The following RGS6 variants were observed in gnomAD, a reference collection of about 807,000 sequenced individuals.
The protein encoded by RGS6 is regulator of G-protein signaling 6.
In RGS6, 30 loss-of-function variants were observed where a neutral mutation model predicts 78.5. The ratio of observed to expected loss-of-function variants is 0.38; its 90% confidence interval spans 0.29 to 0.52. The LOEUF is 0.52. RGS6 is among the 20% of genes least tolerant of loss of function. The pLI is 0.85. For missense variants in RGS6, 495 were observed against 609.7 expected, an observed-to-expected ratio of 0.81 and a Z score of 1.98; for synonymous variants, 206 against 206.0, an observed-to-expected ratio of 1.00 and a Z score of 0.00.
intron 12 of RGS6, among the ~76,000 whole-genome samples, chr14:72,480,472 C>T (rs143280087): frequency 2.6e-5 from 4 of 152,276 alleles, no homozygotes; most frequent in South Asian, 2.1e-4. Context: ...GGCTACTCCT[C>T]GGTGCCCAGC....
downstream of RGS6, among the ~76,000 whole-genome samples, chr14:72,569,700 G>C (rs1408950028): frequency 6.7e-6 from 1 of 149,388 alleles, no homozygotes; most frequent in East Asian, 2.0e-4. Flanking sequence ...GGAAGGCAGG[G>C]AGGGAGGGAG....
At chr14:72,214,324 GTGCCACCA>G (rs1458740014) in intron 2 of RGS6, among the ~76,000 whole-genome samples, 1 of 151,866 alleles carries the variant, frequency 6.6e-6, no homozygotes, top group African/African-American at 2.4e-5. Flanking sequence ...CCAAAGGCAC[GTGCCACCA>G]TGCCCAGCTG....
At chr14:71,932,238 G>A (rs2087929917), upstream of RGS6, among the ~76,000 whole-genome samples, 1 of 152,010 alleles carries the variant, frequency 6.6e-6, no homozygotes, top group South Asian at 2.1e-4. Context: ...GAACAGGTGA[G>A]CCGTGCGGCG....
the RGS6 span, among the ~76,000 whole-genome samples, chr14:71,881,685 T>C: frequency 6.6e-6 from 1 of 152,216 alleles, no homozygotes; most frequent in Non-Finnish European, 1.5e-5. Context: ...AAAACTCTTT[T>C]TCTTTATAAA....
chr14:72,002,943 T>C (rs1249379943), intron 2 of RGS6, among the ~76,000 whole-genome samples: 2 of 152,228 alleles, frequency 1.3e-5, no homozygotes, highest in African/African-American at 4.8e-5. Context: ...ATCTTCGCTC[T>C]CAGTAGTCTT....
intron 2 of RGS6, among the ~76,000 whole-genome samples, chr14:71,979,832 C>T (rs1361233401): frequency 3.3e-5 from 5 of 151,714 alleles, no homozygotes; most frequent in South Asian, 4.2e-4. Context: ...CTTTCTATCT[C>T]ATTGATCTGT....
At chr14:72,385,718 G>A (rs968404562) in intron 3 of RGS6, among the ~76,000 whole-genome samples, 1 of 152,160 alleles carries the variant, frequency 6.6e-6, no homozygotes, top group East Asian at 1.9e-4. Flanking sequence ...CCCCATGGGG[G>A]ACACTGTCTC....
intron 2 of RGS6, among the ~76,000 whole-genome samples, chr14:72,099,741 C>T (rs1378993991): frequency 1.3e-5 from 2 of 152,050 alleles, no homozygotes; most frequent in Non-Finnish European, 2.9e-5. Context: ...ATAGCTTTGG[C>T]GGGGATTATT....
At chr14:72,057,255 A>G (rs1210370422) in intron 2 of RGS6, among the ~76,000 whole-genome samples, 3 of 138,680 alleles carry the variant, frequency 2.2e-5, no homozygotes, top group African/African-American at 5.4e-5. Context: ...CAGAGGTTTC[A>G]GTGAGCTAAG....
intron 1 of RGS6, among the ~76,000 whole-genome samples, chr14:71,947,481 A>G (rs188539212): frequency 2.0e-5 from 3 of 152,096 alleles, no homozygotes; most frequent in African/African-American, 7.2e-5. Flanking sequence ...TAATCCCAAG[A>G]GTCTTTTTTG....
At chr14:72,187,833 G>A (rs1047952708) in intron 2 of RGS6, among the ~76,000 whole-genome samples, 5 of 151,942 alleles carry the variant, frequency 3.3e-5, no homozygotes, top group Non-Finnish European at 7.4e-5. Flanking sequence ...TCTTCGTAAC[G>A]GCAAAATCAA....
intron 2 of RGS6, among the ~76,000 whole-genome samples, chr14:72,152,221 TGAGA>T (rs1200791259): frequency 0.083 from 12,191 of 146,398 alleles, 513 homozygotes; most frequent in African/African-American, 0.096. Context: ...GGCAGCTGCA[TGAGA>T]GAGAGAGAGA....
chr14:72,606,263 T>C, the RGS6 span, among the ~76,000 whole-genome samples: 1 of 152,094 alleles, frequency 6.6e-6, no homozygotes. Flanking sequence ...TTTTGGTGCA[T>C]GTATACCTCG....
chr14:71,890,891 T>C, the RGS6 span, among the ~76,000 whole-genome samples: 1 of 152,232 alleles, frequency 6.6e-6, no homozygotes, highest in African/African-American at 2.4e-5. Context: ...CATTTTCTTT[T>C]TACATCTCAA....
At chr14:72,180,740 A>G (rs1053989161) in intron 2 of RGS6, among the ~76,000 whole-genome samples, 8 of 152,184 alleles carry the variant, frequency 5.3e-5, no homozygotes, top group African/African-American at 1.9e-4. Flanking sequence ...AGGTGATTGA[A>G]TCGATGCTGT....
chr14:71,999,477 C>A (rs1299471777), intron 2 of RGS6, among the ~76,000 whole-genome samples: 2 of 152,182 alleles, frequency 1.3e-5, no homozygotes, highest in African/African-American at 4.8e-5. Flanking sequence ...AGGTATAACT[C>A]TAACAGGTGG....
chr14:72,439,481 G>A (rs947701919), intron 3 of RGS6, among the ~76,000 whole-genome samples: 4 of 152,254 alleles, frequency 2.6e-5, no homozygotes, highest in Non-Finnish European at 5.9e-5. Context: ...AAGTATCAGT[G>A]TAGATTGCAG....
At chr14:72,162,380 C>T (rs534121843) in intron 2 of RGS6, among the ~76,000 whole-genome samples, 8 of 152,226 alleles carry the variant, frequency 5.3e-5, no homozygotes, top group South Asian at 2.1e-4. Flanking sequence ...AAAGATAAGG[C>T]TAAACCACTC....
intron 3 of RGS6, among the ~76,000 whole-genome samples, chr14:72,445,034 T>C (rs1388436876): frequency 6.6e-6 from 1 of 152,226 alleles, no homozygotes; most frequent in African/African-American, 2.4e-5. Context: ...TGAGTGTCTC[T>C]CAGCCTGGAG....
Sources: allele counts gnomAD v4.1 joint callset (sites outside exome capture counted in the v4.1 genomes callset), GRCh38; gene constraint gnomAD v4.1.1; transcripts MANE v1.5; gene names NCBI Gene and HGNC (gene_info 2026-07-23, HGNC 2026-07-21).